Variants in UGT1A5 observed in about 807,000 individuals in gnomAD.
UGT1A5 encodes UDP-glucuronosyltransferase 1A5.
In UGT1A5, 29 loss-of-function variants were observed where a neutral mutation model predicts 40.3. The observed-to-expected ratio is 0.72, with a 90% CI of 0.54 to 0.98. UGT1A5 has a LOEUF of 0.98. UGT1A5 is among the 50% of genes least tolerant of loss of function. The pLI is 0.00. For synonymous variants in UGT1A5, 257 were observed against 262.5 expected, an observed-to-expected ratio of 0.98 and a Z score of 0.20; for missense variants, 678 against 677.9, an observed-to-expected ratio of 1.00 and a Z score of 0.00.
rs750446316 is a variant in UGT1A5, at chr2:233,729,731, C to T, written c.867+15873C>T. On this transcript the variant is annotated intron_variant, in intron 1 of 4. Coordinates refer to ENST00000373414, the MANE Select transcript of UGT1A5 (RefSeq NM_019078.2). ...ATTCCTAGATTACTAACAACCAATT[C>T]AGACCACATGACATTCATGCAAAGG... The T allele has an allele frequency of 2.3e-5, 37 of 1,613,888 alleles. No homozygotes were observed. The Middle Eastern group carries it at 1.3e-3, about 57-fold the overall frequency.
intron 1 of UGT1A5, chr2:233,754,734 T>C (rs1381377212): frequency 1.5e-6 from 1 of 652,198 alleles, no homozygotes; most frequent in Middle Eastern, 2.9e-4. Flanking sequence ...ATCACTACCG[T>C]AGGACATGCA....
chr2:233,763,859 A>G (rs1418944768), intron 1 of UGT1A5, among the ~76,000 whole-genome samples: 1 of 152,176 alleles, frequency 6.6e-6, no homozygotes, highest in Non-Finnish European at 1.5e-5. Context: ...GTTCACAGAC[A>G]ATCGCAATGC....
chr2:233,725,960 G>A (rs574964594), intron 1 of UGT1A5, among the ~76,000 whole-genome samples: 2 of 152,228 alleles, frequency 1.3e-5, no homozygotes, highest in East Asian at 3.9e-4. Flanking sequence ...GAGCCCAGGA[G>A]TCTGAGAGCA....
intron 1 of UGT1A5, chr2:233,755,082 TCGCGTTTCTA>T (rs745681833): frequency 9.0e-6 from 12 of 1,336,714 alleles, no homozygotes; most frequent in Middle Eastern, 2.1e-4. Context: ...GTCATAGATA[TCGCGTTTCTA>T]CGCGTCCGAC....
rs552702165 is a variant in UGT1A5, at chr2:233,713,903, C to G, written c.867+45C>G. The G allele has an allele frequency of 2.5e-6, 4 of 1,612,846 alleles. No homozygotes were observed. The Admixed American group carries it at 6.7e-5, about 27-fold the overall frequency. On this transcript the variant is annotated intron_variant, in intron 1 of 4. Coordinates refer to ENST00000373414, the MANE Select transcript of UGT1A5 (RefSeq NM_019078.2). ...TCCAATCAATGTTCCAGGCAAAACA[C>G]TTTTTAAAAAATGTATTTACTTACA...
rs759060249 is a variant in UGT1A5 at position 233,713,022 on chromosome 2, C to T, written c.31C>T (p.Gln11Ter). The T allele has an allele frequency of 2.5e-6, 4 of 1,613,644 alleles. No individual in the cohort carries two copies. Among genetic ancestry groups the T allele is most frequent in the East Asian group, 2.2e-5 (1 of 44,896 alleles). ...CACAGGACTCCAGGTTCCCCTGCCG[C>T]AGCTGGCCACAGGACTGCTGCTTCT... The part of the protein sequence containing the change: MATGLQVPLP[Q>*]LATGLLLLLS... The change falls in exon 1 of 5, where the codon CAG becomes TAG. Residue 11 changes from glutamine (Q) to a stop codon, truncating the protein, a stop_gained. Coordinates refer to ENST00000373414, the MANE Select transcript of UGT1A5 (RefSeq NM_019078.2). LOFTEE classifies it high-confidence loss of function.
chr2:233,772,289 C>T lies in UGT1A5; in HGVS notation c.1335C>T (p.Ser445=). Residue 445 remains serine (S), a synonymous_variant, in exon 5 of 5, where the codon TCC becomes TCT. Coordinates refer to ENST00000373414, the MANE Select transcript of UGT1A5 (RefSeq NM_019078.2). ...ACAAGGAGAACATCATGCGCCTCTC[C>T]AGCCTTCACAAGGACCGCCCGGTGG... is the stretch of plus-strand genomic sequence containing the variant. The part of the protein sequence containing the change: ...KSYKENIMRL[S]SLHKDRPVEP... The T allele has an allele frequency of 6.2e-7, 1 of 1,614,242 alleles. No homozygotes were observed. The highest frequency in any genetic ancestry group is 8.5e-7 in the Non-Finnish European group (1 of 1,180,054).
chr2:233,721,778 T>C (rs1223743047), intron 1 of UGT1A5: 3 of 503,204 alleles, frequency 6.0e-6, no homozygotes, highest in African/African-American at 5.8e-5. Context: ...TTAGCATTAT[T>C]CTCTGCATTT....
chr2:233,727,225 C>T (rs1417750017), intron 1 of UGT1A5, among the ~76,000 whole-genome samples: 8 of 152,168 alleles, frequency 5.3e-5, no homozygotes, highest in South Asian at 4.1e-4. Context: ...TCCACATATG[C>T]GGATGGCTCC....
intron 1 of UGT1A5, among the ~76,000 whole-genome samples, chr2:233,727,594 G>A (rs2077631064): frequency 6.6e-6 from 1 of 152,304 alleles, no homozygotes; most frequent in African/African-American, 2.4e-5. Flanking sequence ...GTTTTAAGGG[G>A]GTTGGAGGAA....
At chr2:233,739,301 C>A (rs1691042342) in intron 1 of UGT1A5, among the ~76,000 whole-genome samples, 1 of 152,160 alleles carries the variant, frequency 6.6e-6, no homozygotes, top group Non-Finnish European at 1.5e-5. Context: ...TGGGGCACTG[C>A]CTAGTGGAGT....
rs146693320 is a variant in UGT1A5, at chr2:233,769,441, G to T, written c.1307+1002G>T. The T allele has an allele frequency of 6.5e-7, 1 of 1,546,730 alleles. No homozygotes were observed. Among genetic ancestry groups the T allele is most frequent in the East Asian group, 2.3e-5 (1 of 44,376 alleles). ...TGCATGTGGCTGTGCTCATGTGTGGGTGCACACGTGTGCATTCATATGCGT... is the reference window on the plus strand; with the variant it reads ...TGCATGTGGCTGTGCTCATGTGTGGTTGCACACGTGTGCATTCATATGCGT... On this transcript the variant is annotated intron_variant, in intron 4 of 4. Transcript: ENST00000373414. The surrounding 1 kb of genome is among the most constrained non-coding windows in gnomAD (Gnocchi z 4.4).
chr2:233,759,108 C>T (rs1480612171), intron 1 of UGT1A5, among the ~76,000 whole-genome samples: 2 of 152,176 alleles, frequency 1.3e-5, no homozygotes, highest in African/African-American at 2.4e-5. Flanking sequence ...AGTTTGCAAA[C>T]CAGGGAGTTA....
intron 1 of UGT1A5, among the ~76,000 whole-genome samples, chr2:233,750,965 G>A (rs1482754384): frequency 1.3e-5 from 2 of 151,940 alleles, no homozygotes; most frequent in Admixed American, 6.5e-5. Context: ...CTGGGGCACT[G>A]CCTAGTGGAG....
At chr2:233,752,965 A>C (rs1252890509) in intron 1 of UGT1A5, among the ~76,000 whole-genome samples, 1 of 152,202 alleles carries the variant, frequency 6.6e-6, no homozygotes, top group East Asian at 1.9e-4. Flanking sequence ...GATTTATGTA[A>C]CCAATTGTGT....
At chr2:233,764,035 A>G (rs1459516650) in intron 1 of UGT1A5, among the ~76,000 whole-genome samples, 2 of 152,226 alleles carry the variant, frequency 1.3e-5, no homozygotes, top group Non-Finnish European at 2.9e-5. Context: ...GTGCTAAAGA[A>G]GAATTCTGGG....
At chr2:233,759,701 C>T (rs910973902) in intron 1 of UGT1A5, among the ~76,000 whole-genome samples, 5 of 149,762 alleles carry the variant, frequency 3.3e-5, no homozygotes, top group Non-Finnish European at 5.9e-5. Context: ...CACCTCATGG[C>T]GCGTGCTCGT....
At chr2:233,753,747 C>G (rs1162212818) in intron 1 of UGT1A5, 1 of 152,226 alleles carries the variant, frequency 6.6e-6, no homozygotes, top group Non-Finnish European at 1.5e-5. Context: ...AGCAATAGGA[C>G]AGTTTTGCGT....
At chr2:233,726,581 C>T (rs2077543368) in intron 1 of UGT1A5, among the ~76,000 whole-genome samples, 1 of 152,182 alleles carries the variant, frequency 6.6e-6, no homozygotes, top group Non-Finnish European at 1.5e-5. Flanking sequence ...GTCTCCTTCA[C>T]TTGTAAGAGC....
Sources: gnomAD v4.1 joint callset for allele counts (sites outside exome capture counted in the v4.1 genomes callset) on GRCh38, gnomAD v4.1.1 for gene constraint, Gnocchi (gnomAD v3.1) non-coding constraint, MANE v1.5 for transcripts, NCBI Gene and HGNC (gene_info 2026-07-23, HGNC 2026-07-21) for gene names.